The following CSMD3 variants were observed in gnomAD, a reference collection of about 807,000 sequenced individuals.
CSMD3 encodes CUB and sushi domain-containing protein 3.
CSMD3 carries 177 observed loss-of-function variants against 435.2 expected under a neutral mutation model. The observed-to-expected ratio is 0.41, with a 90% CI of 0.36 to 0.46. The LOEUF is 0.46. CSMD3 is among the 20% of genes least tolerant of loss of function. CSMD3 has a pLI of 0.34. For missense variants in CSMD3, 4,265 were observed against 4,504.6 expected (o/e 0.95, Z 1.52); for synonymous variants, 1,656 against 1,520.5 (o/e 1.09, Z -2.07).
intron 10 of CSMD3, among the ~76,000 whole-genome samples, chr8:112,874,621 C>A (rs2081228994): frequency 6.6e-6 from 1 of 152,144 alleles, no homozygotes; most frequent in African/African-American, 2.4e-5. Context: ...ATAGTCAGCT[C>A]TTCCTGTTAC....
At position 112,999,119 on chromosome 8, in the gene CSMD3, A is replaced by G. The variant is rs73702271; in HGVS notation, c.1030+19948T>C. On this transcript the variant is annotated intron_variant, in intron 6 of 70. Transcript: ENST00000297405. ...GCCTGGACTCCTCTACTCACTCAGC[A>G]TATAGCAGTGTACAAAAGAGTCAGA... Among the ~76,000 whole-genome samples, 725 of 152,108 alleles carry G rather than the reference A, an allele frequency of 4.8e-3. 7 individuals carry two copies. Among genetic ancestry groups the G allele is most frequent in the African/African-American group, 0.017 (691 of 41,544 alleles).
At chr8:113,286,651 A>AAT (rs1272564941) in intron 2 of CSMD3, among the ~76,000 whole-genome samples, 2 of 151,178 alleles carry the variant, frequency 1.3e-5, no homozygotes, top group Non-Finnish European at 1.5e-5. Context: ...GTAAGATTTT[A>AAT]TTTTTTCTGG....
chr8:112,776,017 A>C (rs897331063), intron 13 of CSMD3, among the ~76,000 whole-genome samples: 6 of 151,926 alleles, frequency 3.9e-5, no homozygotes, highest in South Asian at 4.1e-4. Context: ...AAAGGTGCCC[A>C]AAAAAATGTT....
At chr8:112,410,606 A>ATATATATGTATATATATATGTG (rs1563912806) in intron 32 of CSMD3, among the ~76,000 whole-genome samples, 739 of 53,074 alleles carry the variant, frequency 0.014, 38 homozygotes, top group African/African-American at 0.066. Context: ...ATATATGTGT[A>ATATATATGTATATATATATGTG]TATATATATG....
chr8:112,279,740 C>T lies in CSMD3; in HGVS notation c.9508+1434G>A, dbSNP rs550160740. ...TTACCACAGCCTAAATACCCTGATGCCCCTGATTAAGACCTCCATATCAAT... is the reference window on the plus strand; with the variant it reads ...TTACCACAGCCTAAATACCCTGATGTCCCTGATTAAGACCTCCATATCAAT... On this transcript the variant is annotated intron_variant, in intron 59 of 70. Transcript: ENST00000297405. 1.3e-5 allele frequency among the ~76,000 whole-genome samples: 2 copies of T among 152,188 alleles called. 1 individual carries two copies. Among genetic ancestry groups the T allele is most frequent in the South Asian group, 4.1e-4 (2 of 4,822 alleles).
At position 112,726,065 on chromosome 8, in the gene CSMD3, A is replaced by G. The variant is rs548696040; in HGVS notation, c.1973-36015T>C. On this transcript the variant is annotated intron_variant, in intron 13 of 70. Coordinates refer to ENST00000297405, the MANE Select transcript of CSMD3 (RefSeq NM_198123.2). ...CCTTCTTTACAAGGTGGCAGAAAGG[A>G]GAATGAACGCAGGAGGAACTACCAA... 3.3e-5 allele frequency among the ~76,000 whole-genome samples: 5 copies of G among 152,096 alleles called. No homozygotes were observed. The East Asian group carries it at 9.7e-4, about 29-fold the overall frequency.
intron 10 of CSMD3, among the ~76,000 whole-genome samples, chr8:112,864,846 C>T (rs1035989275): frequency 6.6e-6 from 1 of 152,012 alleles, no homozygotes; most frequent in Admixed American, 6.6e-5. Flanking sequence ...TATGCGTTTC[C>T]TATATTTATG....
At chr8:113,303,741 C>A (rs1588476543) in intron 2 of CSMD3, among the ~76,000 whole-genome samples, 6 of 135,018 alleles carry the variant, frequency 4.4e-5, no homozygotes, top group African/African-American at 1.7e-4. Flanking sequence ...CCCTTCCTTA[C>A]ACCTTATACA....
chr8:112,902,083 C>A (rs1286886098), intron 10 of CSMD3, among the ~76,000 whole-genome samples: 1 of 151,270 alleles, frequency 6.6e-6, no homozygotes, highest in East Asian at 2.0e-4. Context: ...ACCTTTTCAA[C>A]CCCATGACCT....
chr8:112,245,473 T>A (rs1814635582), intron 64 of CSMD3, among the ~76,000 whole-genome samples: 1 of 152,216 alleles, frequency 6.6e-6, no homozygotes, highest in Non-Finnish European at 1.5e-5. Context: ...TCCATAACAG[T>A]ATAAATAATA....
At chr8:113,135,331 G>A (rs1222257996) in intron 4 of CSMD3, among the ~76,000 whole-genome samples, 1 of 151,666 alleles carries the variant, frequency 6.6e-6, no homozygotes, top group African/African-American at 2.4e-5. Context: ...AATAAATACA[G>A]ACAATTTAAA....
intron 1 of CSMD3, among the ~76,000 whole-genome samples, chr8:113,352,625 A>G (rs1240211247): frequency 6.6e-6 from 1 of 152,134 alleles, no homozygotes; most frequent in Admixed American, 6.5e-5. Flanking sequence ...AGTAATTAAC[A>G]ATGGCTCTCT....
intron 5 of CSMD3, among the ~76,000 whole-genome samples, chr8:113,070,230 G>C (rs2089048416): frequency 6.6e-6 from 1 of 152,018 alleles, no homozygotes; most frequent in Non-Finnish European, 1.5e-5. Context: ...TCAGTGACTT[G>C]TACATAAATT....
Position 112,791,618 on chromosome 8 carries a change from GT to G in CSMD3, c.1972+8543del, listed in dbSNP as rs564967320. On this transcript the variant is annotated intron_variant, in intron 13 of 70. Transcript: ENST00000297405. ...TATTGTGTAGACATCCCCAATTTTT[GT>G]TATATACTCACCTATAAATGGACAT... 2.7e-3 allele frequency among the ~76,000 whole-genome samples: 404 copies of G among 151,832 alleles called. 1 individual carries two copies. Among genetic ancestry groups the G allele is most frequent in the African/African-American group, 9.2e-3 (382 of 41,416 alleles).
At chr8:112,565,519 G>A (rs1404051951) in intron 24 of CSMD3, among the ~76,000 whole-genome samples, 1 of 152,074 alleles carries the variant, frequency 6.6e-6, no homozygotes. Context: ...AAATGGCCAT[G>A]CTCCATGTAG....
chr8:112,802,466 A>G (rs916339309), intron 12 of CSMD3, among the ~76,000 whole-genome samples: 3 of 152,070 alleles, frequency 2.0e-5, no homozygotes, highest in African/African-American at 4.8e-5. Flanking sequence ...GATGAAGGCA[A>G]TTAACATGTA....
intron 1 of CSMD3, among the ~76,000 whole-genome samples, chr8:113,414,913 C>T (rs1160062920): frequency 1.3e-5 from 2 of 152,074 alleles, no homozygotes; most frequent in African/African-American, 2.4e-5. Flanking sequence ...TTGGAGTCAG[C>T]TGAGATTGTG....
intron 10 of CSMD3, among the ~76,000 whole-genome samples, chr8:112,918,900 C>T (rs2082648988): frequency 6.6e-6 from 1 of 151,974 alleles, no homozygotes. Flanking sequence ...ATGCTGTTGT[C>T]TGGAAAAAGC....
intron 4 of CSMD3, among the ~76,000 whole-genome samples, chr8:113,112,806 T>C (rs1904807): frequency 6.6e-6 from 1 of 152,104 alleles, no homozygotes; most frequent in Non-Finnish European, 1.5e-5. Context: ...TTGTTTAGTT[T>C]TGTTTTGTTT....
Sources: allele counts gnomAD v4.1 joint callset (sites outside exome capture counted in the v4.1 genomes callset), GRCh38; gene constraint gnomAD v4.1.1; transcripts MANE v1.5; gene names NCBI Gene and HGNC (gene_info 2026-07-23, HGNC 2026-07-21).